The following DNER variants were observed in gnomAD, a reference collection of about 807,000 sequenced individuals.
DNER encodes delta/notch like EGF repeat containing, also known as delta and Notch-like epidermal growth factor-related receptor.
Under a neutral mutation model 78.2 loss-of-function variants are expected in DNER, and 33 were observed. The observed-to-expected ratio is 0.42, with a 90% CI of 0.32 to 0.56. The LOEUF is 0.56. DNER is among the 20% of genes least tolerant of loss of function. DNER has a pLI of 0.11. For synonymous variants in DNER, 417 were observed against 384.8 expected (o/e 1.08, Z -0.98); for missense variants, 918 against 975.3 (o/e 0.94, Z 0.78).
chr2:229,674,287 T>G (rs553018495), intron 1 of DNER, among the ~76,000 whole-genome samples: 15 of 152,286 alleles, frequency 9.8e-5, no homozygotes, highest in Admixed American at 7.8e-4. Context: ...CCCTTCTTCT[T>G]TTTTGGTGGG....
At chr2:229,590,929 G>C (rs141149104) in intron 2 of DNER, among the ~76,000 whole-genome samples, 1 of 152,202 alleles carries the variant, frequency 6.6e-6, no homozygotes, top group Non-Finnish European at 1.5e-5. Context: ...GTGAGTTCAG[G>C]TGAGATTGGA....
chr2:229,519,496 A>G (rs1453724037), intron 5 of DNER, among the ~76,000 whole-genome samples: 1 of 152,168 alleles, frequency 6.6e-6, no homozygotes, highest in Non-Finnish European at 1.5e-5. Context: ...CAGTGAAATT[A>G]TTGCATTAAC....
intron 10 of DNER, among the ~76,000 whole-genome samples, chr2:229,400,424 A>T (rs968360669): frequency 1.3e-5 from 2 of 152,034 alleles, no homozygotes; most frequent in African/African-American, 4.8e-5. Context: ...TTCTCCAATT[A>T]AAAAAACCAG....
intron 4 of DNER, among the ~76,000 whole-genome samples, chr2:229,567,707 T>A (rs770330580): frequency 6.6e-6 from 1 of 152,184 alleles, no homozygotes; most frequent in African/African-American, 2.4e-5. Context: ...ATGCCACCGA[T>A]CCTGCTTTGA....
At chr2:229,582,128 T>G (rs1480462925) in intron 4 of DNER, among the ~76,000 whole-genome samples, 1 of 152,244 alleles carries the variant, frequency 6.6e-6, no homozygotes, top group East Asian at 1.9e-4. Context: ...TGAACGCCAC[T>G]GTACTCTTAA....
chr2:229,416,323 A>G (rs938538308), intron 9 of DNER, among the ~76,000 whole-genome samples: 48 of 151,826 alleles, frequency 3.2e-4, no homozygotes, highest in Non-Finnish European at 2.9e-5. Context: ...TTTTGTTTTT[A>G]TTTCCCAAAA....
intron 6 of DNER, among the ~76,000 whole-genome samples, chr2:229,492,990 T>C (rs1431275127): frequency 2.0e-5 from 3 of 152,166 alleles, no homozygotes; most frequent in Non-Finnish European, 4.4e-5. Context: ...TTTTAAAACC[T>C]GCTTTCATGA....
At chr2:229,706,129 G>C (rs1202241777) in intron 1 of DNER, among the ~76,000 whole-genome samples, 1 of 152,086 alleles carries the variant, frequency 6.6e-6, no homozygotes. Context: ...GAGGAAAAGG[G>C]AAAAGGGAGA....
At chr2:229,602,363 AC>A (rs914278535) in intron 1 of DNER, among the ~76,000 whole-genome samples, 2 of 152,180 alleles carry the variant, frequency 1.3e-5, no homozygotes, top group Admixed American at 1.3e-4. Context: ...TCTACAAAAA[AC>A]CTTCAGCAAA....
intron 4 of DNER, among the ~76,000 whole-genome samples, chr2:229,577,741 G>T (rs1459660881): frequency 3.9e-5 from 6 of 152,174 alleles, no homozygotes; most frequent in Admixed American, 3.9e-4. Context: ...ATTCCAGGGT[G>T]CCAGTGTGCT....
intron 1 of DNER, among the ~76,000 whole-genome samples, chr2:229,598,196 G>A (rs1304707870): frequency 1.3e-5 from 2 of 152,372 alleles, no homozygotes; most frequent in South Asian, 2.1e-4. Context: ...CTGGATGATG[G>A]TGGGGCCTGG....
Position 229,366,987 on chromosome 2 carries a change from C to T in DNER, c.1988G>A (p.Arg663His), listed in dbSNP as rs751449773. 1.1e-5 allele frequency: 17 copies of T among 1,614,056 alleles called. No homozygotes were observed. The highest frequency in any genetic ancestry group is 2.2e-5 in the East Asian group (1 of 44,848). The change falls in exon 12 of 13, where the codon CGC becomes CAC. Residue 663 changes from arginine to histidine, a missense_variant. Transcript: ENST00000341772. ...MLIILIVGIC[R>H]ISRIEYQGSS... is the part of the protein sequence containing the mutation. ...ACCCTGGTATTCAATGCGGCTGATG[C>T]GGCAAATCCCCACGATCAGGATGAT...
At chr2:229,471,042 T>C (rs951528431) in intron 7 of DNER, among the ~76,000 whole-genome samples, 11 of 92,276 alleles carry the variant, frequency 1.2e-4, no homozygotes, top group Non-Finnish European at 6.1e-5. Context: ...GGACTGTTAA[T>C]TTTATGAGGG....
intron 1 of DNER, among the ~76,000 whole-genome samples, chr2:229,605,100 T>C (rs936406107): frequency 1.2e-4 from 18 of 151,800 alleles, no homozygotes; most frequent in Admixed American, 1.2e-3. Context: ...TTCGTAGTTA[T>C]GAAAGACAAA....
At chr2:229,632,983 A>C (rs572044843) in intron 1 of DNER, among the ~76,000 whole-genome samples, 1 of 152,350 alleles carries the variant, frequency 6.6e-6, no homozygotes, top group East Asian at 1.9e-4. Flanking sequence ...TTATTATTGT[A>C]TCAAATGTCA....
At chr2:229,501,239 C>T (rs1372720980) in intron 6 of DNER, among the ~76,000 whole-genome samples, 1 of 151,226 alleles carries the variant, frequency 6.6e-6, no homozygotes, top group African/African-American at 2.4e-5. Context: ...AACACCGTGA[C>T]TATAGTTAGT....
At chr2:229,599,890 T>A (rs1305263815) in intron 1 of DNER, among the ~76,000 whole-genome samples, 1 of 152,146 alleles carries the variant, frequency 6.6e-6, no homozygotes, top group East Asian at 1.9e-4. Flanking sequence ...GTATGTATAT[T>A]TACTGGAGGA....
chr2:229,556,881 C>T (rs1485620411), intron 4 of DNER, among the ~76,000 whole-genome samples: 1 of 152,214 alleles, frequency 6.6e-6, no homozygotes, highest in Non-Finnish European at 1.5e-5. Context: ...CAGCAATGTG[C>T]TGTTCACTCA....
intron 1 of DNER, among the ~76,000 whole-genome samples, chr2:229,621,311 C>A (rs1698247679): frequency 6.6e-6 from 1 of 152,164 alleles, no homozygotes; most frequent in Admixed American, 6.5e-5. Flanking sequence ...TAAAGCACAG[C>A]GTTGAAAATT....
Sources: gnomAD v4.1 joint callset for allele counts (sites outside exome capture counted in the v4.1 genomes callset) on GRCh38, gnomAD v4.1.1 for gene constraint, MANE v1.5 for transcripts, NCBI Gene and HGNC (gene_info 2026-07-23, HGNC 2026-07-21) for gene names.